Variants in STK32A observed in about 807,000 individuals in gnomAD.
STK32A encodes serine/threonine-protein kinase 32A.
STK32A carries 41 observed loss-of-function variants against 53.2 expected under a neutral mutation model. That is an observed-to-expected ratio of 0.77 (90% CI 0.60 to 1.00). The LOEUF (loss-of-function observed/expected upper bound fraction) is 1.00. STK32A is among the 50% of genes least tolerant of loss of function. The pLI, the probability that STK32A is intolerant of heterozygous loss-of-function variation, is 0.00. For missense variants in STK32A, 458 were observed against 485.8 expected (o/e 0.94, Z 0.54); for synonymous variants, 166 against 162.8 (o/e 1.02, Z -0.15).
At chr5:147,299,194 AC>A (rs1360151455) in intron 4 of STK32A, among the ~76,000 whole-genome samples, 1 of 152,154 alleles carries the variant, frequency 6.6e-6, no homozygotes, top group African/African-American at 2.4e-5. Context: ...AATATGCCAA[AC>A]AAGGGGTGGA....
chr5:147,338,862 G>A lies in STK32A; in HGVS notation c.435-4144G>A, dbSNP rs146982468. ...AACAGCAAAGCATTCAAGAGGTGAC[G>A]TGGGTGCTCTTAAAAACATTAAGTT... is the stretch of plus-strand genomic sequence containing the variant. On this transcript the variant is annotated intron_variant, in intron 5 of 12. Coordinates refer to ENST00000397936, the MANE Select transcript of STK32A (RefSeq NM_001112724.2). Among the ~76,000 whole-genome samples, 1,383 of 152,292 alleles carry A rather than the reference G, an allele frequency of 9.1e-3. 23 individuals carry two copies. The highest frequency in any genetic ancestry group is 0.031 in the African/African-American group (1,296 of 41,542).
chr5:147,373,604 A>G (rs952249360), intron 10 of STK32A, among the ~76,000 whole-genome samples: 1 of 149,430 alleles, frequency 6.7e-6, no homozygotes, highest in South Asian at 2.2e-4. Flanking sequence ...ATTCTCATGA[A>G]TCTGCTGGGG....
chr5:147,358,730 G>A (rs1379167063), intron 7 of STK32A, among the ~76,000 whole-genome samples: 2 of 152,060 alleles, frequency 1.3e-5, no homozygotes, highest in African/African-American at 2.4e-5. Flanking sequence ...TAGAATACAA[G>A]GCATAGATTT....
the STK32A span, among the ~76,000 whole-genome samples, chr5:147,398,279 C>T: frequency 6.6e-6 from 1 of 152,084 alleles, no homozygotes. Context: ...TTTCTCCCTA[C>T]CTCCTTCATT....
At chr5:147,301,326 C>T (rs191278431) in intron 4 of STK32A, among the ~76,000 whole-genome samples, 3 of 152,060 alleles carry the variant, frequency 2.0e-5, no homozygotes, top group East Asian at 3.9e-4. Flanking sequence ...TACAAATCAT[C>T]TCCATGAAAG....
Position 147,384,419 on chromosome 5 carries a change from A to G in STK32A, c.*436A>G. The G allele has an allele frequency of 6.5e-7, 1 of 1,534,614 alleles. No individual in the cohort carries two copies. Among genetic ancestry groups the G allele is most frequent in the Non-Finnish European group, 8.7e-7 (1 of 1,146,248 alleles). ...CACAGGACTCAGTGAGACTTTTCAG[A>G]CCTCGAAAGTTTCATAAAGTGGTCA... On this transcript the variant is annotated 3_prime_UTR_variant, in exon 13 of 13. Coordinates refer to ENST00000397936, the MANE Select transcript of STK32A (RefSeq NM_001112724.2).
At position 147,341,431 on chromosome 5, in the gene STK32A, C is replaced by G. The variant is rs1009399327; in HGVS notation, c.435-1575C>G. ...CACTGGGATAGAATATGATATTAATCAAGAAACCATCCCTGACATCATGAT... is the reference window on the plus strand; with the variant it reads ...CACTGGGATAGAATATGATATTAATGAAGAAACCATCCCTGACATCATGAT... On this transcript the variant is annotated intron_variant, in intron 5 of 12. Transcript: ENST00000397936. 2.0e-5 allele frequency among the ~76,000 whole-genome samples: 3 copies of G among 152,140 alleles called. No individual in the cohort carries two copies. In the East Asian group the frequency reaches 5.8e-4, roughly 29 times the overall value.
chr5:147,384,293 G>T lies in STK32A; in HGVS notation c.*310G>T. ...ACCCTGCCTTTTTAGTGCTATAGTTGTTATTCTAAACCGCCTTTATTTTTA... is the reference window on the plus strand; with the variant it reads ...ACCCTGCCTTTTTAGTGCTATAGTTTTTATTCTAAACCGCCTTTATTTTTA... On this transcript the variant is annotated 3_prime_UTR_variant, in exon 13 of 13. Transcript: ENST00000397936. 1 of 1,377,110 alleles carries T rather than the reference G, an allele frequency of 7.3e-7. No individual in the cohort carries two copies. 85.3% of individuals were successfully genotyped at this position (1,377,110 alleles called of 1,614,324 possible).
At chr5:147,241,715 C>T (rs540874582) in intron 2 of STK32A, among the ~76,000 whole-genome samples, 1 of 152,078 alleles carries the variant, frequency 6.6e-6, no homozygotes, top group South Asian at 2.1e-4. Context: ...GATCTAGAGA[C>T]TAGTGATATT....
intron 4 of STK32A, among the ~76,000 whole-genome samples, chr5:147,315,191 G>A (rs1004871477): frequency 5.9e-5 from 9 of 152,128 alleles, no homozygotes; most frequent in African/African-American, 2.2e-4. Flanking sequence ...TAAACATAGA[G>A]TTTCCATTTG....
intron 11 of STK32A, among the ~76,000 whole-genome samples, chr5:147,377,069 T>C (rs1353355730): frequency 1.3e-5 from 2 of 152,176 alleles, no homozygotes; most frequent in African/African-American, 2.4e-5. Context: ...TTAATATTGG[T>C]GTTTATAGCT....
At chr5:147,364,156 A>C (rs1756641068) in intron 8 of STK32A, among the ~76,000 whole-genome samples, 1 of 148,256 alleles carries the variant, frequency 6.7e-6, no homozygotes, top group Non-Finnish European at 1.5e-5. Context: ...TAGATGTTGC[A>C]GTGAGCTGAG....
intron 8 of STK32A, among the ~76,000 whole-genome samples, chr5:147,363,360 A>T (rs1175150448): frequency 6.6e-6 from 1 of 151,972 alleles, no homozygotes; most frequent in African/African-American, 2.4e-5. Flanking sequence ...ATGGCTGGGG[A>T]TGGGGAGAGG....
intron 4 of STK32A, among the ~76,000 whole-genome samples, chr5:147,288,920 A>G (rs889681685): frequency 6.6e-6 from 1 of 152,230 alleles, no homozygotes; most frequent in African/African-American, 2.4e-5. Flanking sequence ...AATGAAATGA[A>G]TAAAGTGCTA....
At chr5:147,393,253 G>C in the STK32A span, 1 of 152,302 alleles carries the variant, frequency 6.6e-6, no homozygotes, top group East Asian at 1.9e-4. Flanking sequence ...AGGAAGAGAA[G>C]TGTCATTTGC....
chr5:147,304,943 C>G (rs1581065704), intron 4 of STK32A, among the ~76,000 whole-genome samples: 1 of 152,106 alleles, frequency 6.6e-6, no homozygotes, highest in Non-Finnish European at 1.5e-5. Flanking sequence ...GAACTCATCT[C>G]TACAAAATAT....
intron 4 of STK32A, 89 bp from the exon 5 acceptor site, chr5:147,323,809 C>A: frequency 8.7e-7 from 1 of 1,154,714 alleles, no homozygotes; most frequent in Non-Finnish European, 1.2e-6. Flanking sequence ...CAAGAACACT[C>A]TGCTCTGATC....
chr5:147,281,126 T>A (rs910196558), intron 4 of STK32A, among the ~76,000 whole-genome samples: 17 of 151,736 alleles, frequency 1.1e-4, no homozygotes, highest in Admixed American at 7.2e-4. Context: ...GACGAAAGAG[T>A]CTGAACAAGA....
chr5:147,337,910 A>C (rs1755216444), intron 5 of STK32A, among the ~76,000 whole-genome samples: 1 of 152,186 alleles, frequency 6.6e-6, no homozygotes, highest in Admixed American at 6.5e-5. Flanking sequence ...AGTTATGAAA[A>C]GGAGATGATT....
Sources: gnomAD v4.1 joint callset for allele counts (sites outside exome capture counted in the v4.1 genomes callset) on GRCh38, gnomAD v4.1.1 for gene constraint, MANE v1.5 for transcripts, NCBI Gene and HGNC (gene_info 2026-07-23, HGNC 2026-07-21) for gene names.